Variants in TAFA1 observed in about 807,000 individuals in gnomAD.
The protein encoded by TAFA1 is chemokine-like protein TAFA-1.
Under a neutral mutation model 18.5 loss-of-function variants are expected in TAFA1, and 4 were observed. That is an observed-to-expected ratio of 0.22 (90% CI 0.11 to 0.49). TAFA1 has a LOEUF of 0.49. Among genes scored for constraint, TAFA1 ranks in the 20% least tolerant of loss-of-function variants. The pLI, the probability that TAFA1 is intolerant of heterozygous loss-of-function variation, is 0.98. For synonymous variants in TAFA1, 56 were observed against 55.2 expected (o/e 1.01, Z -0.06); for missense variants, 147 against 169.0 (o/e 0.87, Z 0.72).
chr3:68,040,097 G>A (rs540713108), intron 2 of TAFA1, among the ~76,000 whole-genome samples: 20 of 152,128 alleles, frequency 1.3e-4, no homozygotes, highest in Non-Finnish European at 2.8e-4. Context: ...GACATTGAGG[G>A]CATCTGCTAT....
chr3:68,203,926 G>A (rs1335158919), intron 2 of TAFA1, among the ~76,000 whole-genome samples: 2 of 150,706 alleles, frequency 1.3e-5, no homozygotes, highest in African/African-American at 4.9e-5. Context: ...GTTCCTGGAG[G>A]TTAAAGTCAC....
chr3:68,103,603 G>T (rs912167712), intron 2 of TAFA1, among the ~76,000 whole-genome samples: 1 of 152,130 alleles, frequency 6.6e-6, no homozygotes, highest in Non-Finnish European at 1.5e-5. Flanking sequence ...GAATTAATAA[G>T]TGTCTGGAAG....
intron 3 of TAFA1, among the ~76,000 whole-genome samples, chr3:68,473,896 A>G (rs1383935643): frequency 6.6e-6 from 1 of 152,162 alleles, no homozygotes; most frequent in Non-Finnish European, 1.5e-5. Flanking sequence ...GTTCTACACT[A>G]TATCCCCAGG....
Position 68,010,848 on chromosome 3 carries a change from C to CT in TAFA1, c.118+4110dup, listed in dbSNP as rs558797242. 1.7e-3 allele frequency among the ~76,000 whole-genome samples: 257 copies of CT among 152,106 alleles called. 2 individuals are homozygous for CT. Among genetic ancestry groups the CT allele is most frequent in the African/African-American group, 6.0e-3 (251 of 41,516 alleles). On this transcript the variant is annotated intron_variant, in intron 2 of 4. Transcript: ENST00000478136. ...AAAAACTTGAAGAATACTTGAGCTT[C>CT]TTTTTTATTTTTCATTATAAAGCTA...
At chr3:68,010,613 A>ATTTT (rs1704453000) in intron 2 of TAFA1, among the ~76,000 whole-genome samples, 1 of 152,086 alleles carries the variant, frequency 6.6e-6, no homozygotes, top group South Asian at 2.1e-4. Context: ...ACTACTTCCT[A>ATTTT]TTTTTCATAT....
At chr3:68,080,212 C>T (rs182391891) in intron 2 of TAFA1, among the ~76,000 whole-genome samples, 2,533 of 152,246 alleles carry the variant, frequency 0.017, 73 homozygotes, top group African/African-American at 0.058. Context: ...TGTGTCTCTG[C>T]ACGTGAGATG....
At chr3:68,254,018 C>A (rs981704010) in intron 2 of TAFA1, among the ~76,000 whole-genome samples, 12 of 152,052 alleles carry the variant, frequency 7.9e-5, no homozygotes, top group African/African-American at 2.9e-4. Context: ...GCATTAGTTT[C>A]TTTGGGTTTC....
intron 2 of TAFA1, among the ~76,000 whole-genome samples, chr3:68,166,753 A>G (rs1179875108): frequency 6.6e-6 from 1 of 152,132 alleles, no homozygotes; most frequent in Admixed American, 6.5e-5. Context: ...TCATCAGAGG[A>G]AAGTTCTGCG....
intron 2 of TAFA1, among the ~76,000 whole-genome samples, chr3:68,272,695 C>T (rs1485479241): frequency 1.3e-5 from 2 of 152,130 alleles, no homozygotes; most frequent in Admixed American, 6.6e-5. Flanking sequence ...CAAATAGGAT[C>T]TAAAATTCTC....
At chr3:68,374,732 G>T (rs534116648) in intron 2 of TAFA1, among the ~76,000 whole-genome samples, 1 of 152,164 alleles carries the variant, frequency 6.6e-6, no homozygotes, top group African/African-American at 2.4e-5. Context: ...GATGAAAGTC[G>T]GTTACTTCCA....
Position 68,072,221 on chromosome 3 carries a change from A to C in TAFA1, c.118+65477A>C, listed in dbSNP as rs115158885. ...AAGAGTCAACCTAGTGAAGGACCAG[A>C]TGTGGCAATGGCAGGTGGCCTCTGC... On this transcript the variant is annotated intron_variant, in intron 2 of 4. Coordinates refer to ENST00000478136, the MANE Select transcript of TAFA1 (RefSeq NM_213609.4). Among the ~76,000 whole-genome samples, 485 of 152,284 alleles carry C rather than the reference A, an allele frequency of 3.2e-3. 2 individuals carry two copies. The highest frequency in any genetic ancestry group is 0.011 in the African/African-American group (473 of 41,558).
chr3:67,992,237 T>C, the TAFA1 span, among the ~76,000 whole-genome samples: 1 of 152,208 alleles, frequency 6.6e-6, no homozygotes, highest in Non-Finnish European at 1.5e-5. Flanking sequence ...TGACCCCCAC[T>C]GGATATGCAG....
intron 2 of TAFA1, among the ~76,000 whole-genome samples, chr3:68,037,560 A>G (rs1001566500): frequency 9.8e-5 from 15 of 152,326 alleles, no homozygotes; most frequent in African/African-American, 3.6e-4. Flanking sequence ...CTTTTACTCA[A>G]TAAAGTAGGC....
chr3:68,089,140 T>C (rs1352938672), intron 2 of TAFA1, among the ~76,000 whole-genome samples: 3 of 152,090 alleles, frequency 2.0e-5, no homozygotes, highest in Admixed American at 1.3e-4. Context: ...TGTTTGAATA[T>C]GAAGCTGGAT....
chr3:68,240,858 T>C (rs2066987556), intron 2 of TAFA1, among the ~76,000 whole-genome samples: 1 of 152,172 alleles, frequency 6.6e-6, no homozygotes, highest in Non-Finnish European at 1.5e-5. Flanking sequence ...CTTTTATCAG[T>C]CTAGGCTTTG....
intron 3 of TAFA1, among the ~76,000 whole-genome samples, chr3:68,496,144 C>T (rs903741106): frequency 2.0e-5 from 3 of 151,968 alleles, no homozygotes; most frequent in Admixed American, 6.6e-5. Context: ...TACCCTTTTA[C>T]GCAGAAAGAT....
intron 2 of TAFA1, among the ~76,000 whole-genome samples, chr3:68,232,612 G>C (rs939102851): frequency 5.9e-5 from 9 of 151,730 alleles, no homozygotes; most frequent in Admixed American, 5.9e-4. Flanking sequence ...ATTTTTAGTG[G>C]GTTTTTTTTT....
At chr3:68,072,612 G>C (rs2064770916) in intron 2 of TAFA1, among the ~76,000 whole-genome samples, 1 of 152,172 alleles carries the variant, frequency 6.6e-6, no homozygotes, top group Non-Finnish European at 1.5e-5. Flanking sequence ...TGATTTTAAA[G>C]GGAGAGGTTA....
intron 2 of TAFA1, among the ~76,000 whole-genome samples, chr3:68,047,514 G>C (rs542430485): frequency 5.8e-4 from 89 of 152,204 alleles, no homozygotes; most frequent in African/African-American, 2.0e-3. Context: ...AGAATTAATG[G>C]GATCTATTCT....
Sources: gnomAD v4.1 joint callset for allele counts (sites outside exome capture counted in the v4.1 genomes callset) on GRCh38, gnomAD v4.1.1 for gene constraint, MANE v1.5 for transcripts, NCBI Gene and HGNC (gene_info 2026-07-23, HGNC 2026-07-21) for gene names.